Variants in PRKACB observed in about 807,000 individuals in gnomAD.
PRKACB encodes the protein cAMP-dependent protein kinase catalytic subunit beta.
A neutral mutation model predicts 51.4 loss-of-function variants in PRKACB; 16 were observed. That is an observed-to-expected ratio of 0.31 (90% CI 0.21 to 0.47). The LOEUF (loss-of-function observed/expected upper bound fraction) is 0.47. Ranked by LOEUF, PRKACB falls within the 20% of genes least tolerant of loss-of-function variation. PRKACB has a pLI of 1.00. For synonymous variants in PRKACB, 147 were observed against 154.4 expected, an observed-to-expected ratio of 0.95 and a Z score of 0.35; for missense variants, 309 against 464.5, an observed-to-expected ratio of 0.67 and a Z score of 3.08.
At chr1:84,218,308 C>T (rs761282651) in intron 9 of PRKACB, among the ~76,000 whole-genome samples, 5 of 152,068 alleles carry the variant, frequency 3.3e-5, no homozygotes, top group Non-Finnish European at 5.9e-5. Flanking sequence ...TCATCCCTTC[C>T]CCCACACACA....
chr1:84,186,383 T>G (rs1002568111), intron 5 of PRKACB, among the ~76,000 whole-genome samples: 1 of 151,968 alleles, frequency 6.6e-6, no homozygotes, highest in Non-Finnish European at 1.5e-5. Flanking sequence ...CACATCCGGC[T>G]AATTTTTCTA....
At chr1:84,151,066 T>C (rs1654803940) in intron 1 of PRKACB, among the ~76,000 whole-genome samples, 1 of 152,184 alleles carries the variant, frequency 6.6e-6, no homozygotes, top group African/African-American at 2.4e-5. Context: ...AGTTACTTTT[T>C]CATGGCAAAA....
intron 1 of PRKACB, among the ~76,000 whole-genome samples, chr1:84,086,490 A>T (rs1221467283): frequency 2.6e-5 from 4 of 152,128 alleles, no homozygotes; most frequent in African/African-American, 7.2e-5. Context: ...GAGAGAGCCC[A>T]GGCCAGCCCA....
chr1:84,116,551 TA>T lies in PRKACB; in HGVS notation c.46+38183del, dbSNP rs1339938083. 4.6e-5 allele frequency among the ~76,000 whole-genome samples: 7 copies of T among 152,298 alleles called. No individual in the cohort carries two copies. The East Asian group carries it at 1.4e-3, about 29-fold the overall frequency. On this transcript the variant is annotated intron_variant, in intron 1 of 8. Coordinates refer to the PRKACB transcript ENST00000370688. The stretch of plus-strand genomic sequence containing the variant: ...TGCAGAGCTCTTTCACCTTCTTGGA[TA>T]AATTTATTCCTAGGTATTCTTTTTG...
chr1:84,097,398 C>G (rs994854291), intron 1 of PRKACB, among the ~76,000 whole-genome samples: 1 of 151,934 alleles, frequency 6.6e-6, no homozygotes, highest in Non-Finnish European at 1.5e-5. Context: ...AGGAGAGTTT[C>G]CATTGCCCCA....
chr1:84,111,784 G>A (rs940866871), intron 1 of PRKACB, among the ~76,000 whole-genome samples: 1 of 151,890 alleles, frequency 6.6e-6, no homozygotes, highest in East Asian at 1.9e-4. Context: ...AAATTTTCTA[G>A]GTTAAAGGCA....
In PRKACB at chr1:84,236,311, G is replaced by C. The variant is rs1236456796; in HGVS notation, c.*1006G>C. 1 of 152,558 alleles carries C rather than the reference G, an allele frequency of 6.6e-6. No homozygotes were observed. The highest frequency in any genetic ancestry group is 1.5e-5 in the Non-Finnish European group (1 of 68,018). The allele number at this position is 152,558 out of a possible 1,614,324, so 9.5% of individuals were successfully genotyped here. On this transcript the variant is annotated 3_prime_UTR_variant, in exon 10 of 10. Transcript: ENST00000370685. ...TACTTTGCAAAGTCAAAAATGGCTTGATTTTTGGAAACAATATAGAGGTAT... is the reference window on the plus strand; with the variant it reads ...TACTTTGCAAAGTCAAAAATGGCTTCATTTTTGGAAACAATATAGAGGTAT...
At chr1:84,081,541 G>A (rs1004015344) in intron 1 of PRKACB, among the ~76,000 whole-genome samples, 3 of 152,052 alleles carry the variant, frequency 2.0e-5, no homozygotes, top group South Asian at 2.1e-4. Flanking sequence ...TTATTTAAAC[G>A]TCAGCTAATA....
At chr1:84,175,861 C>G (rs1056527051) in intron 1 of PRKACB, 1 of 1,298,874 alleles carries the variant, frequency 7.7e-7, no homozygotes, top group African/African-American at 1.5e-5. Context: ...ATCATACAAA[C>G]AGAAAAAATA....
At chr1:84,132,251 C>T (rs1333291370) in intron 1 of PRKACB, among the ~76,000 whole-genome samples, 4 of 150,852 alleles carry the variant, frequency 2.7e-5, no homozygotes, top group African/African-American at 9.7e-5. Context: ...AATAACAATG[C>T]ATTTCAGCTG....
chr1:84,159,814 G>A (rs1655964949), intron 1 of PRKACB, among the ~76,000 whole-genome samples: 1 of 152,060 alleles, frequency 6.6e-6, no homozygotes, highest in African/African-American at 2.4e-5. Flanking sequence ...ATTTTGTGGA[G>A]TGCTTCTTCT....
intron 1 of PRKACB, among the ~76,000 whole-genome samples, chr1:84,127,552 A>G (rs1165627690): frequency 6.6e-6 from 1 of 152,294 alleles, no homozygotes; most frequent in Non-Finnish European, 1.5e-5. Context: ...GTTCAAAACA[A>G]TTAATCATCT....
chr1:84,119,716 T>C (rs1049831687), intron 1 of PRKACB, among the ~76,000 whole-genome samples: 2 of 152,128 alleles, frequency 1.3e-5, no homozygotes, highest in Non-Finnish European at 2.9e-5. Flanking sequence ...AAGAAGGAAA[T>C]TGATGTGTTT....
chr1:84,188,937 A>G (rs1665969258), intron 5 of PRKACB, among the ~76,000 whole-genome samples: 1 of 152,036 alleles, frequency 6.6e-6, no homozygotes, highest in African/African-American at 2.4e-5. Context: ...ATCAAAAGAC[A>G]TCAGATGTAA....
At chr1:84,148,435 T>C (rs943503262) in intron 1 of PRKACB, among the ~76,000 whole-genome samples, 10 of 151,202 alleles carry the variant, frequency 6.6e-5, no homozygotes, top group African/African-American at 2.4e-4. Flanking sequence ...CTATTAATCC[T>C]TATGTATCTG....
At chr1:84,172,766 C>A (rs528691245) in intron 1 of PRKACB, among the ~76,000 whole-genome samples, 2 of 151,530 alleles carry the variant, frequency 1.3e-5, no homozygotes, top group African/African-American at 4.8e-5. Context: ...GAAAAATTAA[C>A]AAGTAATAAA....
At chr1:84,170,848 A>T (rs543244062) in intron 1 of PRKACB, among the ~76,000 whole-genome samples, 1 of 151,650 alleles carries the variant, frequency 6.6e-6, no homozygotes, top group Non-Finnish European at 1.5e-5. Context: ...AACAAAATTG[A>T]CCTATGTAGG....
chr1:84,218,661 A>G (rs1673219559), intron 9 of PRKACB, among the ~76,000 whole-genome samples: 1 of 152,176 alleles, frequency 6.6e-6, no homozygotes, highest in Non-Finnish European at 1.5e-5. Context: ...CTTTGGATTA[A>G]TGGAATTGCT....
In PRKACB at chr1:84,090,906, A is replaced by G. The variant is rs76074829; in HGVS notation, c.46+12535A>G. Among the ~76,000 whole-genome samples the G allele has an allele frequency of 8.7e-3, 1,328 of 152,230 alleles. 22 individuals are homozygous for G. The highest frequency in any genetic ancestry group is 0.031 in the African/African-American group (1,268 of 41,516). On this transcript the variant is annotated intron_variant, in intron 1 of 8. Transcript: ENST00000370688. ...TTGTACATCTTTCTCTGCAAGCCCA[A>G]TCACTCCACTATTACTTTGGATCCC... is the stretch of plus-strand genomic sequence containing the variant.
Sources: allele counts gnomAD v4.1 joint callset (sites outside exome capture counted in the v4.1 genomes callset), GRCh38; gene constraint gnomAD v4.1.1; transcripts MANE v1.5; gene names NCBI Gene and HGNC (gene_info 2026-07-23, HGNC 2026-07-21).